CLIC5: variants seen among roughly 807,000 people sequenced by gnomAD.
CLIC5 encodes the protein CLIC family member 5.
A neutral mutation model predicts 24.7 loss-of-function variants in CLIC5; 20 were observed. That is an observed-to-expected ratio of 0.81 (90% confidence interval 0.57 to 1.18). CLIC5 has a LOEUF of 1.18. Ranked by LOEUF, CLIC5 falls within the 50% of genes most tolerant of loss-of-function variation. The pLI is 0.00. For synonymous variants in CLIC5, 159 were observed against 135.6 expected, an observed-to-expected ratio of 1.17 and a Z score of -1.20; for missense variants, 341 against 326.1, an observed-to-expected ratio of 1.05 and a Z score of -0.35.
At chr6:45,958,439 T>TACACACACACAC (rs1764727891) in intron 1 of CLIC5, among the ~76,000 whole-genome samples, 1 of 12,394 alleles carries the variant, frequency 8.1e-5, no homozygotes, top group African/African-American at 2.4e-4. Flanking sequence ...TATATATATA[T>TACACACACACAC]ATATATATAT....
chr6:45,944,619 G>T (rs1396590654), intron 3 of CLIC5, among the ~76,000 whole-genome samples: 1 of 149,532 alleles, frequency 6.7e-6, no homozygotes, highest in Non-Finnish European at 1.5e-5. Flanking sequence ...GAAAACCATT[G>T]CAGATGGTAA....
At chr6:45,931,316 C>T (rs2127350923) in intron 4 of CLIC5, among the ~76,000 whole-genome samples, 1 of 152,250 alleles carries the variant, frequency 6.6e-6, no homozygotes, top group Middle Eastern at 3.4e-3. Context: ...GCAAGAGGGA[C>T]AGAGAACAGA....
At chr6:46,020,941 A>G (rs1767160132) in intron 1 of CLIC5, among the ~76,000 whole-genome samples, 1 of 151,990 alleles carries the variant, frequency 6.6e-6, no homozygotes, top group Non-Finnish European at 1.5e-5. Context: ...CCAAGAAAAG[A>G]AAACTACAGC....
chr6:46,068,827 A>G (rs576318121), intron 1 of CLIC5, among the ~76,000 whole-genome samples: 1 of 152,310 alleles, frequency 6.6e-6, no homozygotes, highest in East Asian at 1.9e-4. Flanking sequence ...ATGACTCAGA[A>G]GAAACCAACC....
rs557727724 is a variant in CLIC5, at chr6:46,063,961, C to T, written c.540+15742G>A. ...CACAACAAAATCCAGTATACAACAACATAAAATTCAGTATGTCTGGCAGCC... is the reference window on the plus strand; with the variant it reads ...CACAACAAAATCCAGTATACAACAATATAAAATTCAGTATGTCTGGCAGCC... On this transcript the variant is annotated intron_variant, in intron 1 of 5. Transcript: ENST00000185206. Among the ~76,000 whole-genome samples, 9 of 152,252 alleles carry T rather than the reference C, an allele frequency of 5.9e-5. No individual in the cohort carries two copies. The South Asian group carries it at 1.9e-3, about 32-fold the overall frequency.
At chr6:46,036,201 A>G (rs911723438) in intron 1 of CLIC5, among the ~76,000 whole-genome samples, 1 of 150,486 alleles carries the variant, frequency 6.6e-6, no homozygotes, top group Non-Finnish European at 1.5e-5. Flanking sequence ...ACTATTTATT[A>G]TTTGGCAGTT....
chr6:46,008,947 T>C (rs1003212569), intron 1 of CLIC5, among the ~76,000 whole-genome samples: 2 of 152,134 alleles, frequency 1.3e-5, no homozygotes, highest in Admixed American at 1.3e-4. Flanking sequence ...TTTGCACCAG[T>C]GGTTCTCAGT....
intron 1 of CLIC5, among the ~76,000 whole-genome samples, chr6:45,983,758 A>G (rs1277401504): frequency 6.6e-6 from 1 of 152,176 alleles, no homozygotes; most frequent in East Asian, 1.9e-4. Flanking sequence ...AGGGCTAAGA[A>G]CCTGCCTTCG....
rs529562588 is a variant in CLIC5 at position 45,922,748 on chromosome 6, G to A, written c.407-8339C>T. On this transcript the variant is annotated intron_variant, in intron 4 of 5. Coordinates refer to ENST00000339561, the MANE Select transcript of CLIC5 (RefSeq NM_016929.5). ...GTCTTCGAATTAAGTTTCCTTTTGT[G>A]TACTCATCTGTAGCATGTAAGCTGC... Among the ~76,000 whole-genome samples, 3 of 151,954 alleles carry A rather than the reference G, an allele frequency of 2.0e-5. No homozygotes were observed. In the South Asian group the frequency reaches 6.3e-4, roughly 32 times the overall value.
intron 1 of CLIC5, among the ~76,000 whole-genome samples, chr6:46,072,156 T>C (rs915071927): frequency 3.3e-5 from 5 of 150,506 alleles, no homozygotes; most frequent in African/African-American, 1.2e-4. Context: ...ACCTGAGTGA[T>C]GAAATAATCT....
chr6:45,972,570 T>A (rs2127405338), intron 1 of CLIC5, among the ~76,000 whole-genome samples: 1 of 152,346 alleles, frequency 6.6e-6, no homozygotes, highest in Non-Finnish European at 1.5e-5. Context: ...GTCTGCAGCC[T>A]TGCTGCTCAA....
chr6:46,079,940 C>G, exon 1 of CLIC5: 1 of 1,551,704 alleles, frequency 6.4e-7, no homozygotes, highest in Middle Eastern at 1.7e-4. Context: ...TGCCCCTGTC[C>G]TCCTGGGGCT....
At chr6:45,975,787 G>A (rs76534773) in intron 1 of CLIC5, among the ~76,000 whole-genome samples, 2,222 of 152,224 alleles carry the variant, frequency 0.015, 51 homozygotes, top group African/African-American at 0.051. Context: ...CTATGAAATA[G>A]GGGTACAGTA....
At chr6:46,081,685 T>C (rs924913724), upstream of CLIC5, among the ~76,000 whole-genome samples, 1 of 152,228 alleles carries the variant, frequency 6.6e-6, no homozygotes, top group African/African-American at 2.4e-5. Flanking sequence ...CTCCTAGTTT[T>C]ACAGCTGGTG....
At chr6:46,079,628 G>A in intron 1 of CLIC5, 3 of 1,257,428 alleles carry the variant, frequency 2.4e-6, no homozygotes, top group Admixed American at 4.7e-5. Context: ...TCTTTCCCTG[G>A]TCATTCAGAG....
At chr6:46,068,094 T>C (rs556940766) in intron 1 of CLIC5, among the ~76,000 whole-genome samples, 3 of 152,092 alleles carry the variant, frequency 2.0e-5, no homozygotes, top group Admixed American at 6.5e-5. Flanking sequence ...GAGAAGGCCA[T>C]GTGATGAAGG....
At position 45,999,682 on chromosome 6, in the gene CLIC5, A is replaced by C. The variant is rs9472654; in HGVS notation, c.63+15798T>G. On this transcript the variant is annotated intron_variant, in intron 1 of 5. Coordinates refer to ENST00000339561, the MANE Select transcript of CLIC5 (RefSeq NM_016929.5). ...AAGATGAGGAGGATGAAGACTTATG[A>C]TGACCCACTCCCACTTAATGAATAG... Among the ~76,000 whole-genome samples, 734 of 151,064 alleles carry C rather than the reference A, an allele frequency of 4.9e-3. 5 individuals are homozygous for C. The highest frequency in any genetic ancestry group is 0.017 in the African/African-American group (706 of 40,996).
At chr6:46,005,842 G>C (rs929629707) in intron 1 of CLIC5, among the ~76,000 whole-genome samples, 1 of 151,632 alleles carries the variant, frequency 6.6e-6, no homozygotes, top group Non-Finnish European at 1.5e-5. Context: ...GCCCTCACCA[G>C]ACACCAAATC....
intron 1 of CLIC5, among the ~76,000 whole-genome samples, chr6:46,008,517 C>T (rs1456740966): frequency 1.3e-5 from 2 of 152,196 alleles, no homozygotes; most frequent in Admixed American, 1.3e-4. Flanking sequence ...CTCTCACAAG[C>T]TACTGGAGCC....
Sources: allele counts gnomAD v4.1 joint callset (sites outside exome capture counted in the v4.1 genomes callset), GRCh38; gene constraint gnomAD v4.1.1; transcripts MANE v1.5; gene names NCBI Gene and HGNC (gene_info 2026-07-23, HGNC 2026-07-21).